Variants in PDCD6IP observed in about 807,000 individuals in gnomAD.
PDCD6IP encodes programmed cell death 6 interacting protein, also known as programmed cell death 6-interacting protein.
Under a neutral mutation model 103.7 loss-of-function variants are expected in PDCD6IP, and 43 were observed. The observed-to-expected ratio is 0.41, with a 90% CI of 0.32 to 0.53. The LOEUF (loss-of-function observed/expected upper bound fraction) is 0.53. PDCD6IP is among the 20% of genes least tolerant of loss of function. The probability of loss-of-function intolerance (pLI) is 0.16; values close to 1 mark genes in which losing one functional copy is unlikely to be tolerated. For missense variants in PDCD6IP, 871 were observed against 1,036.7 expected, an observed-to-expected ratio of 0.84 and a Z score of 2.20; for synonymous variants, 354 against 378.7, an observed-to-expected ratio of 0.93 and a Z score of 0.76.
chr3:33,858,836 GAAAT>G (rs1697888392), intron 15 of PDCD6IP, among the ~76,000 whole-genome samples: 1 of 151,924 alleles, frequency 6.6e-6, no homozygotes, highest in Non-Finnish European at 1.5e-5. Context: ...CAAAACAAAA[GAAAT>G]AAACATGCAT....
chr3:33,826,769 G>T, intron 6 of PDCD6IP, 189 bp downstream of exon 6: 1 of 1,343,162 alleles, frequency 7.4e-7, no homozygotes, highest in South Asian at 1.7e-5. Flanking sequence ...TTATGTTTAG[G>T]GGATGCCTTT....
chr3:33,835,825 G>T (rs1401098087), intron 7 of PDCD6IP, among the ~76,000 whole-genome samples: 1 of 152,164 alleles, frequency 6.6e-6, no homozygotes, highest in East Asian at 1.9e-4. Context: ...TAATCTGCCT[G>T]TGTGTTTATA....
chr3:33,821,045 C>T (rs775028693), intron 3 of PDCD6IP, among the ~76,000 whole-genome samples: 3 of 152,052 alleles, frequency 2.0e-5, no homozygotes, highest in South Asian at 2.1e-4. Context: ...CTTGCTCTGA[C>T]GCTCAGGGTG....
At position 33,854,025 on chromosome 3, in the gene PDCD6IP, A is replaced by T; in HGVS notation, c.2025+12A>T. On this transcript the variant is annotated intron_variant, in intron 14 of 17. Transcript: ENST00000307296. ...AGGAAGGCACAAAGGTATGAAGTAC[A>T]TGCAAAAGGAACCATAGCTAGCAAG... 1 of 1,562,218 alleles carries T rather than the reference A, an allele frequency of 6.4e-7. No homozygotes were observed. The highest frequency in any genetic ancestry group is 8.6e-7 in the Non-Finnish European group (1 of 1,162,614).
intron 3 of PDCD6IP, among the ~76,000 whole-genome samples, chr3:33,817,895 G>GA (rs1438159197): frequency 1.3e-5 from 2 of 151,318 alleles, no homozygotes; most frequent in Admixed American, 6.6e-5. Context: ...TAGATGGATA[G>GA]AAAAAAATAA....
intron 1 of PDCD6IP, among the ~76,000 whole-genome samples, chr3:33,808,926 C>T (rs1337221525): frequency 6.6e-6 from 1 of 152,216 alleles, no homozygotes; most frequent in Non-Finnish European, 1.5e-5. Flanking sequence ...CAGATACATT[C>T]TTAAGTACCC....
chr3:33,843,331 G>C (rs1165017431), intron 10 of PDCD6IP, among the ~76,000 whole-genome samples: 1 of 152,080 alleles, frequency 6.6e-6, no homozygotes, highest in Non-Finnish European at 1.5e-5. Flanking sequence ...GTTTCTTGTT[G>C]ACTTTTCATG....
At chr3:33,839,725 T>C (rs1697428669) in intron 9 of PDCD6IP, among the ~76,000 whole-genome samples, 3 of 152,364 alleles carry the variant, frequency 2.0e-5, no homozygotes, top group South Asian at 2.1e-4. Context: ...CTATCTGCAC[T>C]GTTTGAAAAT....
Position 33,866,495 on chromosome 3 carries a change from C to T in PDCD6IP, c.2577C>T (p.Pro859=), listed in dbSNP as rs1446710804. The T allele has an allele frequency of 6.2e-7, 1 of 1,610,480 alleles. No homozygotes were observed. Among genetic ancestry groups the T allele is most frequent in the Non-Finnish European group, 8.5e-7 (1 of 1,178,824 alleles). The change falls in exon 18 of 18, where the codon CCC becomes CCT. Residue 859 remains proline (P), a synonymous_variant. Transcript: ENST00000307296. Reference sequence around the variant, plus strand: ...AGCCTTCATACCCCTTCCCTCAGCCCCCACAGCAGTCTTACTATCCACAGC... The same window carrying T: ...AGCCTTCATACCCCTTCCCTCAGCCTCCACAGCAGTCTTACTATCCACAGC... The part of the protein sequence containing the change: ...PQQPSYPFPQ[P]PQQSYYPQQ
intron 15 of PDCD6IP, among the ~76,000 whole-genome samples, chr3:33,861,585 A>G (rs896121688): frequency 6.6e-6 from 1 of 152,220 alleles, no homozygotes; most frequent in Non-Finnish European, 1.5e-5. Context: ...TTGGGTATAT[A>G]TCGAGGTCAA....
intron 1 of PDCD6IP, among the ~76,000 whole-genome samples, chr3:33,805,368 A>T (rs1475752728): frequency 6.6e-6 from 1 of 151,766 alleles, no homozygotes; most frequent in East Asian, 1.9e-4. Flanking sequence ...AAAAAAAAAA[A>T]AATTTTTTTT....
chr3:33,826,717 A>T, intron 6 of PDCD6IP, 137 bp downstream of exon 6: 1 of 1,189,704 alleles, frequency 8.4e-7, no homozygotes, highest in Non-Finnish European at 1.1e-6. Flanking sequence ...TAGTAGAAAT[A>T]GTTTTTTTTT....
At chr3:33,807,030 CT>C (rs1696613974) in intron 1 of PDCD6IP, among the ~76,000 whole-genome samples, 1 of 152,134 alleles carries the variant, frequency 6.6e-6, no homozygotes, top group Admixed American at 6.5e-5. Context: ...AGCCATTTTA[CT>C]TTGAGGGTTT....
In PDCD6IP at chr3:33,836,208, C is replaced by A. The variant is rs1697345337; in HGVS notation, c.999C>A (p.Gly333=). 6.2e-7 allele frequency: 1 copy of A among 1,613,340 alleles called. No individual in the cohort carries two copies. Among genetic ancestry groups the A allele is most frequent in the African/African-American group, 1.3e-5 (1 of 74,882 alleles). The change falls in exon 8 of 18, where the codon GGC becomes GGA. Residue 333 remains glycine (G), a synonymous_variant. Coordinates refer to ENST00000307296, the MANE Select transcript of PDCD6IP (RefSeq NM_013374.6). ...ACCTTAAAGATCTAGATCCTATTGG[C>A]AAAGCCACACTTGTGAAATCTACCC... ...VPDLKDLDPI[G]KATLVKSTPV...
intron 1 of PDCD6IP, among the ~76,000 whole-genome samples, chr3:33,806,453 C>G (rs761127524): frequency 1.3e-5 from 2 of 152,142 alleles, no homozygotes; most frequent in Non-Finnish European, 2.9e-5. Flanking sequence ...GACATTATAC[C>G]TTTTAAATAT....
At chr3:33,841,443 T>TTC (rs1168794585) in intron 9 of PDCD6IP, among the ~76,000 whole-genome samples, 1 of 136,390 alleles carries the variant, frequency 7.3e-6, no homozygotes, top group African/African-American at 2.7e-5. Flanking sequence ...CTTTTTTTTT[T>TTC]TTTTTTTTTT....
intron 1 of PDCD6IP, among the ~76,000 whole-genome samples, chr3:33,807,483 G>T (rs1335355480): frequency 6.6e-6 from 1 of 152,166 alleles, no homozygotes; most frequent in Admixed American, 6.5e-5. Flanking sequence ...TCTGCTTGGC[G>T]TTGGCTTGGC....
intron 1 of PDCD6IP, among the ~76,000 whole-genome samples, chr3:33,804,041 CTG>C (rs1450996964): frequency 6.6e-6 from 1 of 152,086 alleles, no homozygotes; most frequent in Non-Finnish European, 1.5e-5. Flanking sequence ...TACTTCATAA[CTG>C]TTGTTTGGAT....
intron 11 of PDCD6IP, 47 bp from the exon 12 acceptor site, chr3:33,845,372 G>C (rs1299151950): frequency 7.0e-7 from 1 of 1,433,690 alleles, no homozygotes; most frequent in Admixed American, 1.9e-5. Flanking sequence ...GATAAACGTT[G>C]CTGTTAGAAT....
Sources: gnomAD v4.1 joint callset for allele counts (sites outside exome capture counted in the v4.1 genomes callset) on GRCh38, gnomAD v4.1.1 for gene constraint, MANE v1.5 for transcripts, NCBI Gene and HGNC (gene_info 2026-07-23, HGNC 2026-07-21) for gene names.